NCR1: variants seen among roughly 807,000 people sequenced by gnomAD.
The protein encoded by NCR1 is natural cytotoxicity triggering receptor 1, also known as NK cell-activating receptor.
In NCR1, 30 loss-of-function variants were observed where a neutral mutation model predicts 32.5. That is an observed-to-expected ratio of 0.92 (90% CI 0.69 to 1.25). NCR1 has a LOEUF of 1.25. Among genes scored for constraint, NCR1 ranks in the 50% most tolerant of loss-of-function variants. The pLI is 0.00. For missense variants in NCR1, 369 were observed against 380.7 expected, an observed-to-expected ratio of 0.97 and a Z score of 0.26; for synonymous variants, 169 against 143.4, an observed-to-expected ratio of 1.18 and a Z score of -1.28.
At chr19:54,936,194 T>C in the NCR1 span, 2 of 1,446,828 alleles carry the variant, frequency 1.4e-6, no homozygotes, top group South Asian at 1.2e-5. Flanking sequence ...CCCTTTTTCC[T>C]AGATCCCCCA....
chr19:54,920,535 A>T (rs1229852445), downstream of NCR1, among the ~76,000 whole-genome samples: 1 of 152,136 alleles, frequency 6.6e-6, no homozygotes, highest in Non-Finnish European at 1.5e-5. Context: ...ATTACTGGTA[A>T]GTGGGTAAGA....
chr19:54,909,251 A>G lies in NCR1; in HGVS notation c.362A>G (p.Tyr121Cys), dbSNP rs1218798656. 2.5e-6 allele frequency: 4 copies of G among 1,611,142 alleles called. No homozygotes were observed. Among genetic ancestry groups the G allele is most frequent in the Non-Finnish European group, 3.4e-6 (4 of 1,177,766 alleles). ...NLLDLVVTEM[Y>C]DTPTLSVHPG... ...GCCCCACCTTCTCTCATAGAAATGT[A>G]TGACACACCCACCCTCTCGGTTCAT... is the stretch of plus-strand genomic sequence containing the variant. The change falls in exon 4 of 7, where the codon TAT becomes TGT. Residue 121 changes from tyrosine to cysteine, a missense_variant. Coordinates refer to ENST00000291890, the MANE Select transcript of NCR1 (RefSeq NM_004829.7).
At chr19:54,930,719 G>A in the NCR1 span, 14 of 1,492,712 alleles carry the variant, frequency 9.4e-6, no homozygotes, top group Non-Finnish European at 1.3e-5. Context: ...CTAACGCCCT[G>A]TGAAGCAGTT....
At chr19:54,931,659 G>T in the NCR1 span, among the ~76,000 whole-genome samples, 1 of 72,872 alleles carries the variant, frequency 1.4e-5, no homozygotes, top group Admixed American at 1.5e-4. Flanking sequence ...TTGCACTCCA[G>T]CCTGGGCAAG....
rs367914877 is a variant in NCR1 at position 54,909,270 on chromosome 19, G to A, written c.381G>A (p.Ser127=). The A allele has an allele frequency of 1.0e-4, 161 of 1,613,366 alleles. No individual in the cohort carries two copies. The highest frequency in any genetic ancestry group is 4.0e-4 in the East Asian group (18 of 44,860). Residue 127 remains serine (S), a synonymous_variant, in exon 4 of 7, where the codon TCG becomes TCA. Coordinates refer to ENST00000291890, the MANE Select transcript of NCR1 (RefSeq NM_004829.7). ...VTEMYDTPTL[S]VHPGPEVISG... is the part of the protein sequence containing the mutation. ...AAATGTATGACACACCCACCCTCTCGGTTCATCCTGGACCCGAAGTGATCT... is the reference window on the plus strand; with the variant it reads ...AAATGTATGACACACCCACCCTCTCAGTTCATCCTGGACCCGAAGTGATCT...
chr19:54,900,173 T>C, the NCR1 span, among the ~76,000 whole-genome samples: 1 of 152,142 alleles, frequency 6.6e-6, no homozygotes, highest in African/African-American at 2.4e-5. Context: ...ATTCGAGTTA[T>C]GGCACCAAAT....
chr19:54,927,828 A>T, the NCR1 span: 1 of 1,545,286 alleles, frequency 6.5e-7, no homozygotes, highest in Non-Finnish European at 8.9e-7. Flanking sequence ...GTAGTGGCTC[A>T]AGCGTGTAAT....
upstream of NCR1, among the ~76,000 whole-genome samples, chr19:54,903,105 G>C (rs1239625526): frequency 1.3e-5 from 2 of 151,842 alleles, no homozygotes; most frequent in East Asian, 3.9e-4. Context: ...ACCCCAGCTT[G>C]AGGGACAGAG....
chr19:54,936,444 A>G, the NCR1 span: 1 of 1,610,210 alleles, frequency 6.2e-7, no homozygotes, highest in South Asian at 1.1e-5. Flanking sequence ...AGGGAAAAGC[A>G]GAAGAGATTC....
At chr19:54,912,599 CAAAAAAAAAAAAAAAAAAAAAAAAAAAA>C in intron 6 of NCR1, 63 bp from the exon 7 acceptor site, 6 of 370,966 alleles carry the variant, frequency 1.6e-5, no homozygotes, top group East Asian at 3.7e-5. Flanking sequence ...GGCTCTGTCT[CAAAAAAAAAAAAAAAAAAAAAAAAAAAA>C]AAAAAAAAAA....
chr19:54,914,743 C>CTTT (rs58541136), downstream of NCR1, among the ~76,000 whole-genome samples: 8 of 143,426 alleles, frequency 5.6e-5, no homozygotes, highest in African/African-American at 1.6e-4. Context: ...AAAGATAGCA[C>CTTT]TTTTTTTTTT....
At chr19:54,911,632 A>G (rs775448289) in intron 5 of NCR1, among the ~76,000 whole-genome samples, 2 of 151,890 alleles carry the variant, frequency 1.3e-5, no homozygotes, top group Non-Finnish European at 2.9e-5. Flanking sequence ...CACGCCAGTA[A>G]TTACAGCTAC....
chr19:54,929,552 T>C, the NCR1 span, among the ~76,000 whole-genome samples: 6 of 152,048 alleles, frequency 3.9e-5, no homozygotes, highest in African/African-American at 1.2e-4. Context: ...GCCATTCCAT[T>C]TGTGGAGACT....
chr19:54,929,012 T>C, the NCR1 span, among the ~76,000 whole-genome samples: 3 of 152,068 alleles, frequency 2.0e-5, no homozygotes, highest in Admixed American at 1.3e-4. Context: ...TTTTGAGTCT[T>C]TGGAAATAAA....
At chr19:54,914,740 G>T (rs575216452), downstream of NCR1, among the ~76,000 whole-genome samples, 1 of 134,512 alleles carries the variant, frequency 7.4e-6, no homozygotes, top group East Asian at 2.0e-4. Context: ...CACAAAGATA[G>T]CACTTTTTTT....
chr19:54,903,598 A>G (rs587726015), upstream of NCR1, among the ~76,000 whole-genome samples: 2 of 149,392 alleles, frequency 1.3e-5, no homozygotes, highest in Middle Eastern at 3.5e-3. Flanking sequence ...ATGTATGTGT[A>G]TATATGCATG....
upstream of NCR1, among the ~76,000 whole-genome samples, chr19:54,901,259 G>T (rs971359510): frequency 2.0e-5 from 3 of 149,848 alleles, no homozygotes; most frequent in Non-Finnish European, 3.0e-5. Context: ...CACTCAGGAG[G>T]CTGAGGCAAG....
Position 54,913,024 on chromosome 19 carries a change from G to A in NCR1, c.*153G>A. 1.5e-6 allele frequency: 1 copy of A among 648,224 alleles called. No individual in the cohort carries two copies. Among genetic ancestry groups the A allele is most frequent in the Non-Finnish European group, 2.5e-6 (1 of 396,456 alleles). The allele number at this position is 648,224 out of a possible 1,614,324, so 40.2% of individuals were successfully genotyped here. ...CATTTGTCAGAGCATCCCGGACGAT[G>A]CAGAGGGTGGGAGAACTACATGCTA... On this transcript the variant is annotated 3_prime_UTR_variant, in exon 7 of 7. Coordinates refer to ENST00000291890, the MANE Select transcript of NCR1 (RefSeq NM_004829.7).
the NCR1 span, chr19:54,930,693 C>A: frequency 4.4e-6 from 7 of 1,604,680 alleles, no homozygotes; most frequent in South Asian, 7.7e-5. Flanking sequence ...GGAAGAGAAG[C>A]CTGTTATCCC....
Sources: allele counts gnomAD v4.1 joint callset (sites outside exome capture counted in the v4.1 genomes callset), GRCh38; gene constraint gnomAD v4.1.1; transcripts MANE v1.5; gene names NCBI Gene and HGNC (gene_info 2026-07-23, HGNC 2026-07-21).